The following ACAT1 variants were observed in gnomAD, a reference collection of about 807,000 sequenced individuals.
ACAT1 encodes the protein acetyl-CoA acetyltransferase 1.
A neutral mutation model predicts 47.3 loss-of-function variants in ACAT1; 28 were observed. That is an observed-to-expected ratio of 0.59 (90% confidence interval 0.44 to 0.81). ACAT1 has a LOEUF of 0.81. ACAT1 is among the 30% of genes least tolerant of loss of function. The pLI, the probability that ACAT1 is intolerant of heterozygous loss-of-function variation, is 0.00. For missense variants in ACAT1, 469 were observed against 524.3 expected (o/e 0.89, Z 1.03); for synonymous variants, 181 against 173.6 (o/e 1.04, Z -0.34).
chr11:108,136,199 G>T (rs2135345392), intron 5 of ACAT1: 1 of 546,032 alleles, frequency 1.8e-6, no homozygotes, highest in South Asian at 2.6e-5. Flanking sequence ...TTTTTTCAGT[G>T]TGTCTGAGAC....
At chr11:108,127,186 C>T (rs1002165340) in intron 1 of ACAT1, among the ~76,000 whole-genome samples, 18 of 150,920 alleles carry the variant, frequency 1.2e-4, no homozygotes, top group East Asian at 7.9e-4. Flanking sequence ...GTCAGGTTGG[C>T]GCTTGGGTGT....
At position 108,133,948 on chromosome 11, in the gene ACAT1, A is replaced by C; in HGVS notation, c.238+11A>C. On this transcript the variant is annotated intron_variant, in intron 3 of 11. Transcript: ENST00000265838. ...CCATTGAAAAGGCAGGTCAGTAGTT[A>C]CTTGGCTTTTTGTGTTAAGGGAGCA... The C allele has an allele frequency of 6.2e-7, 1 of 1,609,824 alleles. No individual in the cohort carries two copies. Among genetic ancestry groups the C allele is most frequent in the Non-Finnish European group, 8.5e-7 (1 of 1,176,168 alleles).
At chr11:108,139,588 G>A (rs369425252) in intron 6 of ACAT1, among the ~76,000 whole-genome samples, 13 of 151,680 alleles carry the variant, frequency 8.6e-5, no homozygotes, top group Non-Finnish European at 1.3e-4. Flanking sequence ...GTCAAACTCC[G>A]TCTCAAAAAA....
At position 108,146,224 on chromosome 11, in the gene ACAT1, A is replaced by G. The variant is rs149171104; in HGVS notation, c.1028A>G (p.Lys343Arg). 7.3e-5 allele frequency: 118 copies of G among 1,613,070 alleles called. No homozygotes were observed. The highest frequency in any genetic ancestry group is 2.0e-4 in the Admixed American group (12 of 60,000). Residue 343 changes from lysine to arginine, a missense_variant, in exon 11 of 12, where the codon AAA becomes AGA. Transcript: ENST00000265838. ...AAGGTTCTTAAAGATGTGGGATTGA[A>G]AAAAGAAGATATTGCAATGTGGGAA... is the stretch of plus-strand genomic sequence containing the variant. ...ASMVLKDVGLKKEDIAMWEVN... is the reference protein window; with the variant it reads ...ASMVLKDVGLRKEDIAMWEVN...
intron 2 of ACAT1, among the ~76,000 whole-genome samples, chr11:108,132,853 C>CAAAAAAAAAAAAAAAA (rs57501370): frequency 4.2e-5 from 2 of 47,894 alleles, no homozygotes; most frequent in African/African-American, 1.8e-4. Flanking sequence ...AACTCCATCT[C>CAAAAAAAAAAAAAAAA]AAAAAAAAAA....
At chr11:108,127,210 A>G (rs2077266986) in intron 1 of ACAT1, among the ~76,000 whole-genome samples, 1 of 151,336 alleles carries the variant, frequency 6.6e-6, no homozygotes, top group Non-Finnish European at 1.5e-5. Flanking sequence ...TCTGGTGGTC[A>G]GTTGAAAGGT....
At chr11:108,144,867 A>G (rs2077672409) in intron 10 of ACAT1, among the ~76,000 whole-genome samples, 1 of 152,198 alleles carries the variant, frequency 6.6e-6, no homozygotes, top group Admixed American at 6.5e-5. Flanking sequence ...CAAGGGTAAT[A>G]AACAATTCTG....
chr11:108,125,322 T>C (rs1191245567), intron 1 of ACAT1, among the ~76,000 whole-genome samples: 1 of 152,202 alleles, frequency 6.6e-6, no homozygotes, highest in Non-Finnish European at 1.5e-5. Flanking sequence ...GCATGTATTA[T>C]TATACACTAT....
chr11:108,121,336 C>T (rs2077143422), upstream of ACAT1: 3 of 566,090 alleles, frequency 5.3e-6, no homozygotes, highest in Non-Finnish European at 9.5e-6. Context: ...TTGGTGGACA[C>T]GGGAGCCAGC....
At chr11:108,125,383 T>C (rs1447051726) in intron 1 of ACAT1, among the ~76,000 whole-genome samples, 3 of 152,298 alleles carry the variant, frequency 2.0e-5, no homozygotes, top group African/African-American at 7.2e-5. Flanking sequence ...TTTCTGATAT[T>C]GAAGGAGCGC....
upstream of ACAT1, among the ~76,000 whole-genome samples, chr11:108,120,895 C>CGA (rs1220365775): frequency 1.3e-5 from 2 of 149,538 alleles, no homozygotes; most frequent in African/African-American, 4.9e-5. Context: ...CTAGTCTCTA[C>CGA]AAAAAAAAAA....
At position 108,133,805 on chromosome 11, in the gene ACAT1, C is replaced by T. The variant is rs770440667; in HGVS notation, c.121-15C>T. On this transcript the variant is annotated splice_polypyrimidine_tract_variant and intron_variant, in intron 2 of 11. Transcript: ENST00000265838. The stretch of plus-strand genomic sequence containing the variant: ...GTAAAATACCTATAATTTTTACCAT[C>T]TTGTGTCTTGCCAGGAAGTGGTCAT... The T allele has an allele frequency of 2.5e-6, 4 of 1,595,452 alleles. No homozygotes were observed. Among genetic ancestry groups the T allele is most frequent in the Non-Finnish European group, 3.4e-6 (4 of 1,163,426 alleles).
intron 5 of ACAT1, chr11:108,137,046 C>CA (rs2135348134): frequency 6.6e-6 from 1 of 152,022 alleles, no homozygotes; most frequent in Non-Finnish European, 1.5e-5. Flanking sequence ...AAAAATATGA[C>CA]AGGGTGTCTG....
At position 108,143,980 on chromosome 11, in the gene ACAT1, C is replaced by T; in HGVS notation, c.941-3C>T. The T allele has an allele frequency of 1.9e-6, 1 of 518,390 alleles. No homozygotes were observed. The highest frequency in any genetic ancestry group is 3.3e-6 in the Non-Finnish European group (1 of 300,196). The allele number at this position is 518,390 out of a possible 1,614,324, so 32.1% of individuals were successfully genotyped here. On this transcript the variant is annotated splice_polypyrimidine_tract_variant and splice_region_variant and intron_variant, in intron 9 of 11. Coordinates refer to ENST00000265838, the MANE Select transcript of ACAT1 (RefSeq NM_000019.4). ...CAACCCCCCCCCCCCTTTTTTTAAA[C>T]AGCATTTGCTGACGCTGCTGTAGAA...
chr11:108,134,095 T>C (rs934509994), intron 3 of ACAT1, 126 bp from the exon 4 acceptor site: 4 of 1,169,398 alleles, frequency 3.4e-6, no homozygotes, highest in Middle Eastern at 2.0e-4. Flanking sequence ...ACAGTTTAGA[T>C]TGAAACTCAA....
intron 9 of ACAT1, chr11:108,143,067 T>A (rs2077624515): frequency 6.3e-6 from 1 of 157,698 alleles, no homozygotes; most frequent in East Asian, 1.8e-4. Context: ...AACCCCAGCA[T>A]TTTGGGAGGA....
At chr11:108,117,309 C>CT (rs1161979278), upstream of ACAT1, among the ~76,000 whole-genome samples, 3,638 of 137,748 alleles carry the variant, frequency 0.026, 121 homozygotes, top group African/African-American at 0.077. Context: ...CTGTCTCTCT[C>CT]TTTTTTTTTT....
At chr11:108,140,617 T>C (rs1165335226) in intron 7 of ACAT1, among the ~76,000 whole-genome samples, 1 of 152,220 alleles carries the variant, frequency 6.6e-6, no homozygotes, top group Non-Finnish European at 1.5e-5. Flanking sequence ...TCTTGGCTTC[T>C]CACACCTGCA....
chr11:108,146,233 A>G lies in ACAT1; in HGVS notation c.1037A>G (p.Asp346Gly). 3 of 1,613,380 alleles carry G rather than the reference A, an allele frequency of 1.9e-6. No individual in the cohort carries two copies. The highest frequency in any genetic ancestry group is 2.5e-6 in the Non-Finnish European group (3 of 1,179,446). Reference protein sequence around the residue: ...VLKDVGLKKEDIAMWEVNEAF... With the variant: ...VLKDVGLKKEGIAMWEVNEAF... ...AAAGATGTGGGATTGAAAAAAGAAG[A>G]TATTGCAATGTGGGAAGTAAATGAA... Residue 346 changes from aspartate (D) to glycine (G), a missense_variant, in exon 11 of 12, where the codon GAT becomes GGT. Coordinates refer to ENST00000265838, the MANE Select transcript of ACAT1 (RefSeq NM_000019.4).
Sources: gnomAD v4.1 joint callset for allele counts (sites outside exome capture counted in the v4.1 genomes callset) on GRCh38, gnomAD v4.1.1 for gene constraint, MANE v1.5 for transcripts, NCBI Gene and HGNC (gene_info 2026-07-23, HGNC 2026-07-21) for gene names.